The following PPP6R1 variants were observed in gnomAD, a reference collection of about 807,000 sequenced individuals.
The protein encoded by PPP6R1 is serine/threonine-protein phosphatase 6 regulatory subunit 1.
Under a neutral mutation model 104.6 loss-of-function variants are expected in PPP6R1, and 39 were observed. The observed-to-expected ratio is 0.37, with a 90% CI of 0.29 to 0.49. PPP6R1 has a LOEUF of 0.49. Ranked by LOEUF, PPP6R1 falls within the 20% of genes least tolerant of loss-of-function variation. The pLI is 0.98. For missense variants in PPP6R1, 1,181 were observed against 1,155.8 expected (o/e 1.02, Z -0.32); for synonymous variants, 549 against 479.0 (o/e 1.15, Z -1.91).
intron 1 of PPP6R1, chr19:55,247,362 C>T (rs1015636689): frequency 5.6e-6 from 3 of 531,824 alleles, no homozygotes; most frequent in Non-Finnish European, 1.0e-5. Context: ...CTTCCCCCAT[C>T]TCCAGCCTCC....
At position 55,247,121 on chromosome 19, in the gene PPP6R1, G is replaced by A. The variant is rs1374853594; in HGVS notation, c.-6-12C>T. On this transcript the variant is annotated splice_polypyrimidine_tract_variant and intron_variant, in intron 1 of 23. Transcript: ENST00000412770. Reference sequence around the variant, plus strand: ...CAAAACATGGCGCCCTGCAGGCATAGACACAACCAGCGCCGCGTCAGACGC... The same window carrying A: ...CAAAACATGGCGCCCTGCAGGCATAAACACAACCAGCGCCGCGTCAGACGC... 2.5e-6 allele frequency: 4 copies of A among 1,609,388 alleles called. No individual in the cohort carries two copies. The highest frequency in any genetic ancestry group is 2.2e-5 in the South Asian group (2 of 91,002).
chr19:55,245,823 CAG>C lies in PPP6R1; in HGVS notation c.228-147_228-146del. The C allele has an allele frequency of 2.9e-6, 2 of 698,210 alleles. 1 individual carries two copies. The highest frequency in any genetic ancestry group is 3.7e-5 in the South Asian group (2 of 53,880). The allele number at this position is 698,210 out of a possible 1,614,324, so 43.3% of individuals were successfully genotyped here. ...TCCAGGAAGGGGAAAGGGCAGAGGACAGGGTGACGCAGAAACAAGGGCCCACA... is the reference window on the plus strand; with the variant it reads ...TCCAGGAAGGGGAAAGGGCAGAGGACGGTGACGCAGAAACAAGGGCCCACA... On this transcript the variant is annotated intron_variant, in intron 2 of 23. Coordinates refer to ENST00000412770, the MANE Select transcript of PPP6R1 (RefSeq NM_014931.4). This position sits in a 1 kb window ranked among gnomAD's most constrained non-coding sequence, Gnocchi z 6.4.
Position 55,251,391 on chromosome 19 carries a change from C to G in PPP6R1, c.-6-4282G>C, listed in dbSNP as rs74568573. On this transcript the variant is annotated intron_variant, in intron 1 of 23. Transcript: ENST00000412770. ...TCACAAGGCCCCAGCTCCTCCCAGG[C>G]AGGAGGCTGCCGTACCTGTCAGGGC... Among the ~76,000 whole-genome samples the G allele has an allele frequency of 2.2e-3, 328 of 152,308 alleles. 3 individuals are homozygous for G. Among genetic ancestry groups the G allele is most frequent in the African/African-American group, 6.6e-3 (276 of 41,566 alleles).
At chr19:55,243,062 C>T (rs955503812) in intron 5 of PPP6R1, among the ~76,000 whole-genome samples, 6 of 151,950 alleles carry the variant, frequency 3.9e-5, no homozygotes, top group African/African-American at 1.5e-4. Flanking sequence ...TTTATTTTTT[C>T]TGGAGAAAGG....
intron 1 of PPP6R1, among the ~76,000 whole-genome samples, chr19:55,250,940 C>T (rs886570001): frequency 6.6e-6 from 1 of 152,188 alleles, no homozygotes; most frequent in Admixed American, 6.5e-5. Flanking sequence ...GCGCCTGGGA[C>T]CCTCAATGAC....
At chr19:55,246,846 G>T (rs1026576795) in intron 2 of PPP6R1, 31 bp downstream of exon 2, 2 of 1,519,716 alleles carry the variant, frequency 1.3e-6, no homozygotes, top group Non-Finnish European at 1.8e-6. Flanking sequence ...ATGCTGATAG[G>T]GACGGGCTGG....
At chr19:55,250,810 A>G (rs983593787) in intron 1 of PPP6R1, among the ~76,000 whole-genome samples, 1 of 151,924 alleles carries the variant, frequency 6.6e-6, no homozygotes, top group Admixed American at 6.6e-5. Flanking sequence ...TGCCTGCATG[A>G]CCACCACTTG....
intron 10 of PPP6R1, among the ~76,000 whole-genome samples, chr19:55,240,555 A>ACATG (rs1555885266): frequency 6.8e-6 from 1 of 147,536 alleles, no homozygotes; most frequent in African/African-American, 2.6e-5. Context: ...ACACACACAC[A>ACATG]CATGCATGCA....
intron 1 of PPP6R1, among the ~76,000 whole-genome samples, chr19:55,248,049 AAC>A (rs972899961): frequency 6.6e-6 from 1 of 152,176 alleles, no homozygotes; most frequent in Non-Finnish European, 1.5e-5. Context: ...GCAATAAGGA[AAC>A]ACACACAGAG....
chr19:55,249,018 A>G (rs757199537), intron 1 of PPP6R1, among the ~76,000 whole-genome samples: 15 of 152,140 alleles, frequency 9.9e-5, no homozygotes, highest in Non-Finnish European at 1.8e-4. Flanking sequence ...ATTGGCAACA[A>G]TCTTGATATA....
At chr19:55,239,731 G>A (rs1286098622) in intron 13 of PPP6R1, 48 bp from the exon 14 acceptor site, 2 of 1,587,922 alleles carry the variant, frequency 1.3e-6, no homozygotes, top group East Asian at 2.3e-5. Context: ...CCCAGACCAG[G>A]GTGGGCAGGC....
chr19:55,230,436 G>A lies in PPP6R1; in HGVS notation c.*92C>T. 6.4e-7 allele frequency: 1 copy of A among 1,561,362 alleles called. No homozygotes were observed. The highest frequency in any genetic ancestry group is 8.8e-7 in the Non-Finnish European group (1 of 1,141,832). Reference sequence around the variant, plus strand: ...ATGTGGGGGTGTCAGGGTGATGAGGGCAATGGGGGCCATCGTGGGACCCGC... The same window carrying A: ...ATGTGGGGGTGTCAGGGTGATGAGGACAATGGGGGCCATCGTGGGACCCGC... On this transcript the variant is annotated 3_prime_UTR_variant, in exon 24 of 24. Transcript: ENST00000412770.
chr19:55,231,327 G>T, intron 21 of PPP6R1, 83 bp downstream of exon 21: 1 of 1,454,404 alleles, frequency 6.9e-7, no homozygotes, highest in South Asian at 1.2e-5. Context: ...AGCAGCTCAG[G>T]GACAAGATGA....
At chr19:55,235,637 G>A (rs982324175) in intron 17 of PPP6R1, among the ~76,000 whole-genome samples, 3 of 151,196 alleles carry the variant, frequency 2.0e-5, no homozygotes, top group Non-Finnish European at 1.5e-5. Flanking sequence ...TCCTGCCTCA[G>A]CCTCCCAAGT....
At chr19:55,255,160 G>A (rs2087583356) in intron 1 of PPP6R1, among the ~76,000 whole-genome samples, 2 of 152,206 alleles carry the variant, frequency 1.3e-5, no homozygotes, top group African/African-American at 2.4e-5. Context: ...ACCCTCCCAA[G>A]GGAGCTAGCA....
chr19:55,232,106 CAGA>C lies in PPP6R1; in HGVS notation c.2091_2093del (p.Leu698del). 1 of 1,607,578 alleles carries C rather than the reference CAGA, an allele frequency of 6.2e-7. No homozygotes were observed. The highest frequency in any genetic ancestry group is 8.5e-7 in the Non-Finnish European group (1 of 1,177,140). On this transcript the variant is annotated inframe_deletion, in exon 18 of 24. Transcript: ENST00000412770. Reference sequence around the variant, plus strand: ...GCTGAGGGCCAGGGCTGGGGTAGGACAGAGGGGTGGCCCCTCCACGGGCTGCAC... The same window carrying C: ...GCTGAGGGCCAGGGCTGGGGTAGGACGGGGTGGCCCCTCCACGGGCTGCAC...
chr19:55,249,735 G>GGAGGCT (rs1457952763), intron 1 of PPP6R1, among the ~76,000 whole-genome samples: 1 of 152,154 alleles, frequency 6.6e-6, no homozygotes, highest in African/African-American at 2.4e-5. Context: ...CAGCTACTCG[G>GGAGGCT]GAGGCTGAGG....
At position 55,230,812 on chromosome 19, in the gene PPP6R1, C is replaced by G. The variant is rs1416773369; in HGVS notation, c.2532G>C (p.Glu844Asp). The change falls in exon 22 of 24, where the codon GAG (glutamate) becomes GAC (aspartate). Residue 844 changes from glutamate (E) to aspartate (D), a missense_variant. This residue lies in a region of PPP6R1 where 1,042 missense variants were observed against 955.6 expected (regional missense o/e 1.09). Transcript: ENST00000412770. Reference protein sequence around the residue: ...AHQPPQTTEGEKSPEPLGLPQ... With the variant: ...AHQPPQTTEGDKSPEPLGLPQ... The stretch of plus-strand genomic sequence containing the variant: ...GAAGCCCCAAGGGCTCTGGGCTCTT[C>G]TCCCCTTCTGTGGTCTGGGGGGGCT... 3 of 1,581,766 alleles carry G rather than the reference C, an allele frequency of 1.9e-6. No individual in the cohort carries two copies. Among genetic ancestry groups the G allele is most frequent in the Non-Finnish European group, 1.7e-6 (2 of 1,166,948 alleles).
In PPP6R1 at chr19:55,231,526, A is replaced by G. The variant is rs201656297; in HGVS notation, c.2378-35T>C. On this transcript the variant is annotated intron_variant, in intron 20 of 23. Coordinates refer to ENST00000412770, the MANE Select transcript of PPP6R1 (RefSeq NM_014931.4). Reference sequence around the variant, plus strand: ...ATAAGAGATCTCAGCTGCAGCTCCCAGCAAGCTCGGAGCTGGCCAGGCTGC... The same window carrying G: ...ATAAGAGATCTCAGCTGCAGCTCCCGGCAAGCTCGGAGCTGGCCAGGCTGC... 5.6e-6 allele frequency: 9 copies of G among 1,598,378 alleles called. No individual in the cohort carries two copies. The East Asian group carries it at 2.0e-4, about 36-fold the overall frequency.
Sources: allele counts gnomAD v4.1 joint callset (sites outside exome capture counted in the v4.1 genomes callset), GRCh38; gene constraint gnomAD v4.1.1; regional missense constraint gnomAD v4.1.1; non-coding constraint Gnocchi (gnomAD v3.1); transcripts MANE v1.5; gene names NCBI Gene and HGNC (gene_info 2026-07-23, HGNC 2026-07-21).